Variants in CPQ observed in about 807,000 individuals in gnomAD.
CPQ encodes Ser-Met dipeptidase.
In CPQ, 37 loss-of-function variants were observed where a neutral mutation model predicts 45.7. That is an observed-to-expected ratio of 0.81 (90% CI 0.62 to 1.07). The LOEUF is 1.07. CPQ is among the 50% of genes least tolerant of loss of function. The probability of loss-of-function intolerance (pLI) is 0.00; values close to 1 mark genes in which losing one functional copy is unlikely to be tolerated. For synonymous variants in CPQ, 186 were observed against 205.8 expected (o/e 0.90, Z 0.82); for missense variants, 537 against 572.9 (o/e 0.94, Z 0.64).
At chr8:97,070,373 T>C (rs989733605) in intron 7 of CPQ, among the ~76,000 whole-genome samples, 1 of 152,204 alleles carries the variant, frequency 6.6e-6, no homozygotes, top group African/African-American at 2.4e-5. Context: ...CTGCTGCCTA[T>C]ATGCAGTGAT....
At chr8:96,994,377 C>T (rs934860125) in intron 5 of CPQ, among the ~76,000 whole-genome samples, 1 of 152,108 alleles carries the variant, frequency 6.6e-6, no homozygotes, top group African/African-American at 2.4e-5. Flanking sequence ...CAGCTGTCTA[C>T]AGCACCAAAG....
intron 5 of CPQ, among the ~76,000 whole-genome samples, chr8:96,982,163 T>A (rs779677480): frequency 2.0e-5 from 3 of 152,182 alleles, no homozygotes; most frequent in Non-Finnish European, 4.4e-5. Flanking sequence ...CAAGGCAATG[T>A]TCATAGTGGT....
intron 1 of CPQ, among the ~76,000 whole-genome samples, chr8:96,695,325 A>G (rs1424857491): frequency 6.9e-6 from 1 of 145,334 alleles, no homozygotes. Context: ...TAGACCTAAA[A>G]CCATAAAAAC....
At chr8:96,957,655 C>T (rs765725765) in intron 4 of CPQ, among the ~76,000 whole-genome samples, 3 of 151,930 alleles carry the variant, frequency 2.0e-5, no homozygotes, top group Non-Finnish European at 4.4e-5. Flanking sequence ...AAAAATTAGC[C>T]AGGCCTGGTG....
At chr8:97,017,966 G>A (rs1657304866) in intron 5 of CPQ, among the ~76,000 whole-genome samples, 7 of 152,050 alleles carry the variant, frequency 4.6e-5, no homozygotes, top group Admixed American at 4.6e-4. Flanking sequence ...TCAAAGCTAA[G>A]GTATCCTCAC....
chr8:96,836,608 A>C (rs1360698359), intron 3 of CPQ, among the ~76,000 whole-genome samples: 2 of 152,154 alleles, frequency 1.3e-5, no homozygotes, highest in Non-Finnish European at 2.9e-5. Flanking sequence ...CCCTTGGAAT[A>C]ACATATTCAG....
intron 5 of CPQ, among the ~76,000 whole-genome samples, chr8:96,970,313 C>T (rs566941222): frequency 1.3e-4 from 20 of 152,184 alleles, no homozygotes; most frequent in East Asian, 5.8e-4. Context: ...TTAGCCATAC[C>T]GCTGGGTATA....
intron 4 of CPQ, among the ~76,000 whole-genome samples, chr8:96,882,594 G>T (rs1046170276): frequency 4.6e-5 from 7 of 152,130 alleles, no homozygotes; most frequent in African/African-American, 1.7e-4. Context: ...TCCTTAGTCT[G>T]TAGCAGCTAT....
intron 4 of CPQ, among the ~76,000 whole-genome samples, chr8:96,884,513 C>A (rs1812273626): frequency 6.6e-6 from 1 of 151,672 alleles, no homozygotes; most frequent in South Asian, 2.1e-4. Context: ...CAGAGGTGAG[C>A]AGAAGACAGA....
At chr8:97,047,166 C>T (rs978998858) in intron 6 of CPQ, among the ~76,000 whole-genome samples, 1 of 152,050 alleles carries the variant, frequency 6.6e-6, no homozygotes, top group Non-Finnish European at 1.5e-5. Context: ...TAGTAATGAC[C>T]CTGGTGGTTG....
chr8:96,856,595 T>A (rs548260826), intron 3 of CPQ, among the ~76,000 whole-genome samples: 1 of 152,210 alleles, frequency 6.6e-6, no homozygotes, highest in African/African-American at 2.4e-5. Context: ...GTTCCTTGAA[T>A]GTATGTGTAT....
In CPQ at chr8:96,969,991, G is replaced by A. The variant is rs575271918; in HGVS notation, c.961+3945G>A. Among the ~76,000 whole-genome samples the A allele has an allele frequency of 2.0e-4, 31 of 152,280 alleles. 1 individual carries two copies. The South Asian group carries it at 6.4e-3, about 32-fold the overall frequency. On this transcript the variant is annotated intron_variant, in intron 5 of 7. Coordinates refer to ENST00000220763, the MANE Select transcript of CPQ (RefSeq NM_016134.4). ...GAATACAACCATGAAGACAGCCAAA[G>A]GCATGCCAGGGCTTTGATGCAAGTT...
intron 7 of CPQ, among the ~76,000 whole-genome samples, chr8:97,140,011 T>TA (rs1812132015): frequency 1.5e-5 from 2 of 136,776 alleles, no homozygotes; most frequent in African/African-American, 5.7e-5. Flanking sequence ...CAAGCAAGAT[T>TA]TAAAAAAAAA....
chr8:96,785,165 A>G lies in CPQ; in HGVS notation c.268A>G (p.Ile90Val), dbSNP rs765833957. The change falls in exon 2 of 8, where the codon ATT (isoleucine) becomes GTT (valine). Residue 90 changes from isoleucine to valine, a missense_variant. Physicochemically the swap from Ile to Val is conservative, Grantham distance 29. Coordinates refer to ENST00000220763, the MANE Select transcript of CPQ (RefSeq NM_016134.4). ...CAAGAACCTAGAAAAAGCCATCCAA[A>G]TTATGTACCAAAACCTGCAGCAAGA... ...GSKNLEKAIQ[I>V]MYQNLQQDGL... 6.2e-7 allele frequency: 1 copy of G among 1,613,668 alleles called. No individual in the cohort carries two copies. Among genetic ancestry groups the G allele is most frequent in the Admixed American group, 1.7e-5 (1 of 59,950 alleles).
At chr8:97,079,873 T>G (rs904437620) in intron 7 of CPQ, among the ~76,000 whole-genome samples, 1 of 152,132 alleles carries the variant, frequency 6.6e-6, no homozygotes, top group Non-Finnish European at 1.5e-5. Context: ...GGACCAAAGT[T>G]TAGTTAATAT....
intron 3 of CPQ, among the ~76,000 whole-genome samples, chr8:96,837,682 A>G (rs559637652): frequency 6.6e-6 from 1 of 152,076 alleles, no homozygotes; most frequent in South Asian, 2.1e-4. Context: ...CCTCTCTCCC[A>G]TCCATACCAC....
At chr8:97,059,420 A>G (rs1810509612) in intron 6 of CPQ, among the ~76,000 whole-genome samples, 1 of 152,162 alleles carries the variant, frequency 6.6e-6, no homozygotes, top group African/African-American at 2.4e-5. Flanking sequence ...AGCTGCAGCC[A>G]GTTGAGCTAT....
intron 2 of CPQ, among the ~76,000 whole-genome samples, chr8:96,832,999 G>A (rs760217116): frequency 1.3e-5 from 2 of 152,080 alleles, no homozygotes; most frequent in East Asian, 1.9e-4. Flanking sequence ...CAAAAGAGAG[G>A]TAATGAGGGC....
chr8:97,131,188 G>C (rs1195286424), intron 7 of CPQ, among the ~76,000 whole-genome samples: 1 of 152,110 alleles, frequency 6.6e-6, no homozygotes, highest in Non-Finnish European at 1.5e-5. Flanking sequence ...CTAATATTTT[G>C]TAGCATCAGC....
Sources: gnomAD v4.1 joint callset for allele counts (sites outside exome capture counted in the v4.1 genomes callset) on GRCh38, gnomAD v4.1.1 for gene constraint, MANE v1.5 for transcripts, NCBI Gene and HGNC (gene_info 2026-07-23, HGNC 2026-07-21) for gene names.